SYNJ2: variants seen among roughly 807,000 people sequenced by gnomAD.
The protein encoded by SYNJ2 is synaptojanin 2, also known as polyphosphatidylinositol phosphatase SYNJ2.
A neutral mutation model predicts 141.3 loss-of-function variants in SYNJ2; 116 were observed. That is an observed-to-expected ratio of 0.82 (90% CI 0.71 to 0.96). The LOEUF (loss-of-function observed/expected upper bound fraction) is 0.96. Ranked by LOEUF, SYNJ2 falls within the 40% of genes least tolerant of loss-of-function variation. SYNJ2 has a pLI of 0.00. For missense variants in SYNJ2, 1,873 were observed against 1,934.8 expected (o/e 0.97, Z 0.60); for synonymous variants, 745 against 777.7 (o/e 0.96, Z 0.70).
At chr6:157,998,806 T>G (rs914413292) in intron 1 of SYNJ2, among the ~76,000 whole-genome samples, 1 of 152,146 alleles carries the variant, frequency 6.6e-6, no homozygotes, top group African/African-American at 2.4e-5. Flanking sequence ...AAATGAACAC[T>G]CGAAGCGTTG....
At position 158,057,678 on chromosome 6, in the gene SYNJ2, A is replaced by C. The variant is rs1389356680; in HGVS notation, c.858-1579A>C. Among the ~76,000 whole-genome samples, 4 of 152,232 alleles carry C rather than the reference A, an allele frequency of 2.6e-5. No homozygotes were observed. The East Asian group carries it at 7.7e-4, about 29-fold the overall frequency. Reference sequence around the variant, plus strand: ...TGGGCTTTGGAACCAGTTGAGAAGAAGGGGCAGGAATGAGACAGGAAGAGA... The same window carrying C: ...TGGGCTTTGGAACCAGTTGAGAAGACGGGGCAGGAATGAGACAGGAAGAGA... On this transcript the variant is annotated intron_variant, in intron 6 of 26. Coordinates refer to ENST00000355585, the MANE Select transcript of SYNJ2 (RefSeq NM_003898.4).
intron 1 of SYNJ2, among the ~76,000 whole-genome samples, chr6:157,998,505 A>G (rs1777718232): frequency 6.6e-6 from 1 of 152,240 alleles, no homozygotes; most frequent in East Asian, 1.9e-4. Flanking sequence ...AGATAATTAA[A>G]CATTAAATTC....
In SYNJ2 at chr6:158,064,657, CT is replaced by C. The variant is rs1160472711; in HGVS notation, c.1269del (p.Phe423LeufsTer11). The stretch of plus-strand genomic sequence containing the variant: ...TGAGTTCAAAACCCATCGTTGACCG[CT>C]TTGTGGAGTCCTTCAAAGCCATGTG... ...GLSSKPIVDR[F>X]VESFKAMWSL... On this transcript the variant is annotated frameshift_variant, in exon 10 of 27. Transcript: ENST00000355585. LOFTEE classifies it high-confidence loss of function. 1 of 1,614,148 alleles carries C rather than the reference CT, an allele frequency of 6.2e-7. No individual in the cohort carries two copies. Among genetic ancestry groups the C allele is most frequent in the Non-Finnish European group, 8.5e-7 (1 of 1,180,036 alleles).
rs886359553 is a variant in SYNJ2, at chr6:158,069,550, T to C, written c.1817T>C (p.Met606Thr). The C allele has an allele frequency of 6.2e-7, 1 of 1,613,302 alleles. No individual in the cohort carries two copies. Among genetic ancestry groups the C allele is most frequent in the African/African-American group, 1.3e-5 (1 of 74,886 alleles). The change falls in exon 14 of 27, where the codon ATG becomes ACG. Residue 606 changes from methionine (M) to threonine (T), a missense_variant. Met to Thr is a moderately conservative substitution (Grantham distance 81, BLOSUM62 -1). Coordinates refer to ENST00000355585, the MANE Select transcript of SYNJ2 (RefSeq NM_003898.4). Reference sequence around the variant, plus strand: ...TCTTCCAGTACTACCAACAAGAAGATGTGGGGTGAACAGCTTCAGAAAGCC... The same window carrying C: ...TCTTCCAGTACTACCAACAAGAAGACGTGGGGTGAACAGCTTCAGAAAGCC... ...IVNASTTNKK[M>T]WGEQLQKAIS... is the part of the protein sequence containing the mutation.
At chr6:158,025,979 G>A (rs981403191) in intron 2 of SYNJ2, among the ~76,000 whole-genome samples, 9 of 133,834 alleles carry the variant, frequency 6.7e-5, no homozygotes, top group South Asian at 4.7e-4. Flanking sequence ...AATAATACAT[G>A]CATACATACA....
rs12211997 is a variant in SYNJ2, at chr6:158,084,783, G to A, written c.3208+609G>A. 0.17 allele frequency among the ~76,000 whole-genome samples: 26,447 copies of A among 151,980 alleles called. 2,741 individuals are homozygous for A. Among genetic ancestry groups the A allele is most frequent in the Middle Eastern group, 0.36 (106 of 294 alleles). The stretch of plus-strand genomic sequence containing the variant: ...GCCGAGATCGCCCCACTGCACTCCA[G>A]CTTGGGTGACAAAGTGAGATTCCGT... On this transcript the variant is annotated intron_variant, in intron 22 of 26. Coordinates refer to ENST00000355585, the MANE Select transcript of SYNJ2 (RefSeq NM_003898.4). The surrounding 1 kb of genome is among the most constrained non-coding windows in gnomAD (Gnocchi z 5.0).
At chr6:158,025,053 G>T (rs558394558) in intron 2 of SYNJ2, among the ~76,000 whole-genome samples, 6 of 152,318 alleles carry the variant, frequency 3.9e-5, no homozygotes, top group Admixed American at 1.3e-4. Flanking sequence ...CGTAGTAGAC[G>T]GGGTGGCTTA....
intron 2 of SYNJ2, among the ~76,000 whole-genome samples, chr6:158,025,992 C>G (rs1303581249): frequency 7.6e-6 from 1 of 130,934 alleles, no homozygotes; most frequent in Non-Finnish European, 1.7e-5. Context: ...TACATACATA[C>G]ATACGTACAT....
In SYNJ2 at chr6:158,085,756, C is replaced by T. The variant is rs149875751; in HGVS notation, c.3209-1099C>T. Reference sequence around the variant, plus strand: ...GTGGGGTGGGACCCTGGAAGCCTGGCGTTTCACCAAGCTTTCCAGGTGGTT... The same window carrying T: ...GTGGGGTGGGACCCTGGAAGCCTGGTGTTTCACCAAGCTTTCCAGGTGGTT... On this transcript the variant is annotated intron_variant, in intron 22 of 26. Coordinates refer to ENST00000355585, the MANE Select transcript of SYNJ2 (RefSeq NM_003898.4). Among the ~76,000 whole-genome samples the T allele has an allele frequency of 8.0e-3, 1,213 of 152,194 alleles. 16 individuals carry two copies. Among genetic ancestry groups the T allele is most frequent in the African/African-American group, 0.027 (1,136 of 41,506 alleles).
chr6:158,071,842 C>T lies in SYNJ2; in HGVS notation c.2133+48C>T. 6.3e-7 allele frequency: 1 copy of T among 1,581,062 alleles called. No homozygotes were observed. Reference sequence around the variant, plus strand: ...CCAGCACCTCCCTGCTCAGCTCAGTCCCAAATGTGACTGTTGATAGGAGCC... The same window carrying T: ...CCAGCACCTCCCTGCTCAGCTCAGTTCCAAATGTGACTGTTGATAGGAGCC... On this transcript the variant is annotated intron_variant, in intron 15 of 26. Coordinates refer to ENST00000355585, the MANE Select transcript of SYNJ2 (RefSeq NM_003898.4). The surrounding 1 kb of genome is among the most constrained non-coding windows in gnomAD (Gnocchi z 4.3).
At chr6:158,032,938 C>T (rs1009318820) in intron 3 of SYNJ2, among the ~76,000 whole-genome samples, 1 of 152,200 alleles carries the variant, frequency 6.6e-6, no homozygotes, top group East Asian at 1.9e-4. Context: ...GTAGCGCTCT[C>T]GTCATAATCA....
At chr6:158,024,495 T>TG (rs1747417265) in intron 2 of SYNJ2, among the ~76,000 whole-genome samples, 1 of 152,132 alleles carries the variant, frequency 6.6e-6, no homozygotes, top group African/African-American at 2.4e-5. Flanking sequence ...CATATTAATT[T>TG]GGGGGTGCAC....
Position 158,070,415 on chromosome 6 carries a change from C to G in SYNJ2, c.1940+742C>G, listed in dbSNP as rs1781846812. ...GACTAAGACTATGCTGCCCATAATC[C>G]TCTTCTCTGACTTTCAGAAGATGTT... is the stretch of plus-strand genomic sequence containing the variant. On this transcript the variant is annotated intron_variant, in intron 14 of 26. Coordinates refer to ENST00000355585, the MANE Select transcript of SYNJ2 (RefSeq NM_003898.4). This position sits in a 1 kb window ranked among gnomAD's most constrained non-coding sequence, Gnocchi z 4.0. 1 of 985,378 alleles carries G rather than the reference C, an allele frequency of 1.0e-6. No homozygotes were observed. The allele number at this position is 985,378 out of a possible 1,614,324, so 61.0% of individuals were successfully genotyped here.
chr6:158,068,600 G>A (rs780516322), intron 12 of SYNJ2, 47 bp from the exon 13 acceptor site: 36 of 1,609,880 alleles, frequency 2.2e-5, no homozygotes, highest in Admixed American at 5.0e-5. Flanking sequence ...CTCGTAATGC[G>A]GGACTTGGCG....
At chr6:158,059,835 G>A (rs958237803) in intron 7 of SYNJ2, among the ~76,000 whole-genome samples, 3 of 152,224 alleles carry the variant, frequency 2.0e-5, no homozygotes, top group Admixed American at 1.3e-4. Context: ...GATTGCAGGC[G>A]TGAGCCACCG....
At chr6:158,029,904 A>T (rs1470798180) in intron 3 of SYNJ2, among the ~76,000 whole-genome samples, 1 of 152,146 alleles carries the variant, frequency 6.6e-6, no homozygotes, top group Non-Finnish European at 1.5e-5. Context: ...GCCAAACTCC[A>T]CACACTTACT....
chr6:158,028,893 A>G lies in SYNJ2; in HGVS notation c.352A>G (p.Ile118Val). The stretch of plus-strand genomic sequence containing the variant: ...AGAGGCCAAGGAGGAGGAACGCCTC[A>G]TAGCTTTGAAGAAAATCCTCAGCTC... ...QEEAKEEERL[I>V]ALKKILSSGV... The change falls in exon 3 of 27, where the codon ATA becomes GTA. Residue 118 changes from isoleucine (I) to valine (V), a missense_variant. By Grantham distance (29) the Ile-to-Val change is conservative (BLOSUM62 3). Transcript: ENST00000355585. 2 of 1,614,222 alleles carry G rather than the reference A, an allele frequency of 1.2e-6. No homozygotes were observed. The highest frequency in any genetic ancestry group is 1.7e-6 in the Non-Finnish European group (2 of 1,180,028).
At chr6:158,066,354 T>G in intron 11 of SYNJ2, 90 bp from the exon 12 acceptor site, 2 of 1,451,650 alleles carry the variant, frequency 1.4e-6, no homozygotes, top group Middle Eastern at 1.9e-4. Context: ...ATGAACCATC[T>G]GTCTCTGCCA....
chr6:158,029,196 C>A (rs1315606376), intron 3 of SYNJ2, 170 bp downstream of exon 3: 5 of 834,964 alleles, frequency 6.0e-6, no homozygotes, highest in African/African-American at 1.7e-5. Flanking sequence ...GAAAACTAAC[C>A]CTGAACTCCC....
Sources: gnomAD v4.1 joint callset for allele counts (sites outside exome capture counted in the v4.1 genomes callset) on GRCh38, gnomAD v4.1.1 for gene constraint, Gnocchi (gnomAD v3.1) non-coding constraint, MANE v1.5 for transcripts, NCBI Gene and HGNC (gene_info 2026-07-23, HGNC 2026-07-21) for gene names.